The following CARMIL1 variants were observed in gnomAD, a reference collection of about 807,000 sequenced individuals.
The protein encoded by CARMIL1 is capping protein regulator and myosin 1 linker 1.
In CARMIL1, 90 loss-of-function variants were observed where a neutral mutation model predicts 177.1. That is an observed-to-expected ratio of 0.51 (90% CI 0.43 to 0.61). The LOEUF (loss-of-function observed/expected upper bound fraction) is 0.61. Among genes scored for constraint, CARMIL1 ranks in the 20% least tolerant of loss-of-function variants. The pLI is 0.00. For missense variants in CARMIL1, 1,380 were observed against 1,667.0 expected, an observed-to-expected ratio of 0.83 and a Z score of 3.00; for synonymous variants, 577 against 606.2, an observed-to-expected ratio of 0.95 and a Z score of 0.71.
intron 12 of CARMIL1, among the ~76,000 whole-genome samples, chr6:25,487,713 A>T (rs1244788609): frequency 1.3e-5 from 2 of 152,134 alleles, no homozygotes; most frequent in African/African-American, 4.8e-5. Flanking sequence ...CCTTCTGAAA[A>T]GAAATGGCCC....
chr6:25,463,367 T>C (rs1326097470), intron 8 of CARMIL1, among the ~76,000 whole-genome samples: 1 of 152,244 alleles, frequency 6.6e-6, no homozygotes, highest in African/African-American at 2.4e-5. Context: ...AATTTAATAT[T>C]GAACCATAAG....
At chr6:25,450,952 C>T (rs1395615954) in intron 8 of CARMIL1, among the ~76,000 whole-genome samples, 2 of 23,718 alleles carry the variant, frequency 8.4e-5, no homozygotes, top group Non-Finnish European at 1.7e-4. Flanking sequence ...CTCTCCTCTC[C>T]TCTCCTCTCC....
At chr6:25,506,540 T>TCAAA (rs10567898) in intron 17 of CARMIL1, among the ~76,000 whole-genome samples, 23 of 151,408 alleles carry the variant, frequency 1.5e-4, no homozygotes, top group African/African-American at 4.6e-4. Flanking sequence ...TGACTCCGTC[T>TCAAA]CAAACAAACA....
intron 17 of CARMIL1, among the ~76,000 whole-genome samples, chr6:25,507,983 G>A (rs981178089): frequency 1.3e-5 from 2 of 151,612 alleles, no homozygotes; most frequent in Non-Finnish European, 2.9e-5. Flanking sequence ...AATATAATAC[G>A]AATAAAATAC....
intron 2 of CARMIL1, among the ~76,000 whole-genome samples, chr6:25,295,817 T>C (rs1457603585): frequency 6.6e-6 from 1 of 152,218 alleles, no homozygotes; most frequent in Non-Finnish European, 1.5e-5. Flanking sequence ...CCAAGTATCA[T>C]TGTCTTGGCA....
intron 2 of CARMIL1, among the ~76,000 whole-genome samples, chr6:25,305,560 C>T (rs924691387): frequency 5.3e-5 from 8 of 152,214 alleles, no homozygotes; most frequent in Non-Finnish European, 8.8e-5. Flanking sequence ...AGTTAATTCA[C>T]ACTCTTCCTT....
intron 32 of CARMIL1, 96 bp from the exon 33 acceptor site, chr6:25,600,218 T>C: frequency 8.8e-7 from 1 of 1,134,278 alleles, no homozygotes; most frequent in Admixed American, 2.3e-5. Flanking sequence ...ATGGTTACTG[T>C]ATATGTAGCA....
At chr6:25,503,339 AAC>A (rs1404682516) in intron 17 of CARMIL1, among the ~76,000 whole-genome samples, 1 of 152,224 alleles carries the variant, frequency 6.6e-6, no homozygotes, top group Admixed American at 6.5e-5. Flanking sequence ...AAGTTGGTAA[AAC>A]ACAAAATTGT....
At chr6:25,325,216 T>C (rs1784974327) in intron 2 of CARMIL1, among the ~76,000 whole-genome samples, 1 of 152,218 alleles carries the variant, frequency 6.6e-6, no homozygotes, top group African/African-American at 2.4e-5. Flanking sequence ...ATGAGTTTTC[T>C]ATATTCGTGT....
chr6:25,553,056 T>G lies in CARMIL1; in HGVS notation c.2505-953T>G, dbSNP rs543191039. 1.4e-3 allele frequency among the ~76,000 whole-genome samples: 206 copies of G among 152,278 alleles called. 1 individual carries two copies. The highest frequency in any genetic ancestry group is 3.4e-3 in the Middle Eastern group (1 of 294). ...AGCTTAAGATAATTTTTACTCTAAG[T>G]AAAAAACTAGTACTTCTATTCAGAA... On this transcript the variant is annotated intron_variant, in intron 27 of 36. Coordinates refer to ENST00000329474, the MANE Select transcript of CARMIL1 (RefSeq NM_017640.6).
chr6:25,483,673 C>T (rs1802337059), intron 12 of CARMIL1, among the ~76,000 whole-genome samples: 1 of 111,268 alleles, frequency 9.0e-6, no homozygotes, highest in African/African-American at 3.8e-5. Context: ...CAGCTTCTAT[C>T]TCTGTCTCAA....
At chr6:25,397,593 T>C (rs1211091023) in intron 2 of CARMIL1, among the ~76,000 whole-genome samples, 1 of 152,236 alleles carries the variant, frequency 6.6e-6, no homozygotes, top group Non-Finnish European at 1.5e-5. Flanking sequence ...GAATCTGCTA[T>C]CACAGTGCCT....
rs547029287 is a variant in CARMIL1 at position 25,554,438 on chromosome 6, T to A, written c.2592+342T>A. 1.9e-3 allele frequency among the ~76,000 whole-genome samples: 296 copies of A among 152,348 alleles called. 1 individual carries two copies. Among genetic ancestry groups the A allele is most frequent in the African/African-American group, 6.2e-3 (257 of 41,578 alleles). ...ATCTTTGCTCATTTTGTTGTTGATATGATTATTTGATAATGGACTATTCTA... is the reference window on the plus strand; with the variant it reads ...ATCTTTGCTCATTTTGTTGTTGATAAGATTATTTGATAATGGACTATTCTA... On this transcript the variant is annotated intron_variant, in intron 28 of 36. Coordinates refer to ENST00000329474, the MANE Select transcript of CARMIL1 (RefSeq NM_017640.6). The surrounding 1 kb of genome is among the most constrained non-coding windows in gnomAD (Gnocchi z 4.6).
At position 25,321,917 on chromosome 6, in the gene CARMIL1, C is replaced by G. The variant is rs577012393; in HGVS notation, c.138+37008C>G. On this transcript the variant is annotated intron_variant, in intron 2 of 36. Transcript: ENST00000329474. ...TCATGATCCGCCTGCCTTGGCCTCC[C>G]AAAGTGCTGGGATTACAGGTGTGAG... Among the ~76,000 whole-genome samples, 3 of 152,226 alleles carry G rather than the reference C, an allele frequency of 2.0e-5. No homozygotes were observed. The South Asian group carries it at 6.2e-4, about 32-fold the overall frequency.
chr6:25,456,854 T>C (rs1173711170), intron 8 of CARMIL1, among the ~76,000 whole-genome samples: 1 of 152,170 alleles, frequency 6.6e-6, no homozygotes, highest in Admixed American at 6.5e-5. Context: ...TTTTGTGTTG[T>C]CATATTTCTT....
In CARMIL1 at chr6:25,564,457, A is replaced by G. The variant is rs555192940; in HGVS notation, c.2742+7607A>G. Among the ~76,000 whole-genome samples, 4 of 152,328 alleles carry G rather than the reference A, an allele frequency of 2.6e-5. No homozygotes were observed. The East Asian group carries it at 5.8e-4, about 22-fold the overall frequency. On this transcript the variant is annotated intron_variant, in intron 29 of 36. Transcript: ENST00000329474. Reference sequence around the variant, plus strand: ...GAGGACCACTTTAATAAATATCCCTATGAAATTTGTTACCATATGTACTCT... The same window carrying G: ...GAGGACCACTTTAATAAATATCCCTGTGAAATTTGTTACCATATGTACTCT...
chr6:25,325,308 G>T (rs924383501), intron 2 of CARMIL1, among the ~76,000 whole-genome samples: 2 of 152,180 alleles, frequency 1.3e-5, no homozygotes, highest in African/African-American at 4.8e-5. Flanking sequence ...TTGACATATT[G>T]TCACATACCA....
chr6:25,469,075 A>G (rs886168892), intron 9 of CARMIL1, among the ~76,000 whole-genome samples: 6 of 152,352 alleles, frequency 3.9e-5, no homozygotes, highest in Admixed American at 3.9e-4. Context: ...ACCATTTTGA[A>G]TATCATCACT....
At chr6:25,578,348 AC>A (rs893178399) in intron 29 of CARMIL1, among the ~76,000 whole-genome samples, 1 of 152,172 alleles carries the variant, frequency 6.6e-6, no homozygotes, top group African/African-American at 2.4e-5. Flanking sequence ...TATTTCATCA[AC>A]CCAACAGTTG....
Sources: gnomAD v4.1 joint callset for allele counts (sites outside exome capture counted in the v4.1 genomes callset) on GRCh38, gnomAD v4.1.1 for gene constraint, Gnocchi (gnomAD v3.1) non-coding constraint, MANE v1.5 for transcripts, NCBI Gene and HGNC (gene_info 2026-07-23, HGNC 2026-07-21) for gene names.